Variants in CYTH3 observed in about 807,000 individuals in gnomAD.
The protein encoded by CYTH3 is cytohesin 3, also known as cytohesin-3.
Under a neutral mutation model 55.1 loss-of-function variants are expected in CYTH3, and 23 were observed. The ratio of observed to expected loss-of-function variants is 0.42; its 90% confidence interval spans 0.30 to 0.59. The LOEUF (loss-of-function observed/expected upper bound fraction) is 0.59. Among genes scored for constraint, CYTH3 ranks in the 20% least tolerant of loss-of-function variants. CYTH3 has a pLI of 0.20. For synonymous variants in CYTH3, 249 were observed against 194.9 expected (o/e 1.28, Z -2.31); for missense variants, 413 against 524.8 (o/e 0.79, Z 2.08).
At chr7:6,198,045 G>A (rs143625274) in intron 1 of CYTH3, among the ~76,000 whole-genome samples, 6 of 147,450 alleles carry the variant, frequency 4.1e-5, no homozygotes, top group Non-Finnish European at 7.4e-5. Flanking sequence ...AGCGAGCTAT[G>A]ACTGTGCTAC....
intron 1 of CYTH3, among the ~76,000 whole-genome samples, chr7:6,238,224 T>A (rs886845989): frequency 6.6e-6 from 1 of 152,022 alleles, no homozygotes; most frequent in Non-Finnish European, 1.5e-5. Context: ...TAAATTCACT[T>A]CAATATTTTT....
chr7:6,192,501 G>A (rs1371024328), intron 1 of CYTH3, among the ~76,000 whole-genome samples: 2 of 148,688 alleles, frequency 1.3e-5, no homozygotes, highest in Non-Finnish European at 3.0e-5. Context: ...GATTACAGAT[G>A]TGAGCCACTG....
intron 1 of CYTH3, among the ~76,000 whole-genome samples, chr7:6,259,173 A>C (rs1780212678): frequency 6.6e-6 from 1 of 152,218 alleles, no homozygotes; most frequent in Non-Finnish European, 1.5e-5. Flanking sequence ...ACATTGCCAA[A>C]CATCTGGATG....
chr7:6,218,773 G>A (rs965637336), intron 1 of CYTH3, among the ~76,000 whole-genome samples: 4 of 152,086 alleles, frequency 2.6e-5, no homozygotes, highest in Admixed American at 6.6e-5. Context: ...TTGGGAGGCC[G>A]AGGCGGGCAG....
In CYTH3 at chr7:6,170,713, T is replaced by C; in HGVS notation, c.712-67A>G. On this transcript the variant is annotated intron_variant, in intron 8 of 12. Coordinates refer to ENST00000350796, the MANE Select transcript of CYTH3 (RefSeq NM_004227.4). This position sits in a 1 kb window ranked among gnomAD's most constrained non-coding sequence, Gnocchi z 7.8. ...GAAAATGGCTGGCCGGGCAGAAAGC[T>C]CAGCGGGACCAGGGCGGCAAGGAGG... 6.3e-7 allele frequency: 1 copy of C among 1,578,758 alleles called. No individual in the cohort carries two copies. The highest frequency in any genetic ancestry group is 8.6e-7 in the Non-Finnish European group (1 of 1,160,624).
chr7:6,197,902 G>C lies in CYTH3; in HGVS notation c.35-7371C>G, dbSNP rs192607286. 3.2e-3 allele frequency among the ~76,000 whole-genome samples: 490 copies of C among 152,050 alleles called. 8 individuals are homozygous for C. The South Asian group carries it at 0.045, about 14-fold the overall frequency. Reference sequence around the variant, plus strand: ...AGGCCAGGAGTTTGAGACTAGCCTGGGCAACACAAAGAAACTCTGTCTCTA... The same window carrying C: ...AGGCCAGGAGTTTGAGACTAGCCTGCGCAACACAAAGAAACTCTGTCTCTA... On this transcript the variant is annotated intron_variant, in intron 1 of 12. Coordinates refer to ENST00000350796, the MANE Select transcript of CYTH3 (RefSeq NM_004227.4).
intron 1 of CYTH3, among the ~76,000 whole-genome samples, chr7:6,211,090 C>T (rs540491439): frequency 2.2e-4 from 34 of 152,282 alleles, no homozygotes; most frequent in Non-Finnish European, 3.7e-4. Context: ...GAACAAAATC[C>T]GAGTTCCTCA....
chr7:6,190,151 G>T (rs554748751), intron 2 of CYTH3, among the ~76,000 whole-genome samples: 1 of 152,118 alleles, frequency 6.6e-6, no homozygotes, highest in African/African-American at 2.4e-5. Flanking sequence ...TAGATGATAC[G>T]CTGCCTGTGG....
rs572950905 is a variant in CYTH3, at chr7:6,246,441, T to TC, written c.34+26032dup. Among the ~76,000 whole-genome samples the TC allele has an allele frequency of 2.7e-3, 405 of 152,218 alleles. 3 individuals are homozygous for TC. The South Asian group carries it at 0.027, about 10-fold the overall frequency. ...AGAATTTTTGCGTGACATGACCTTATCCTGTGATCAAATTTATCTTTTGTT... is the reference window on the plus strand; with the variant it reads ...AGAATTTTTGCGTGACATGACCTTATCCCTGTGATCAAATTTATCTTTTGTT... On this transcript the variant is annotated intron_variant, in intron 1 of 12. Coordinates refer to ENST00000350796, the MANE Select transcript of CYTH3 (RefSeq NM_004227.4).
intron 1 of CYTH3, among the ~76,000 whole-genome samples, chr7:6,234,678 G>A (rs548686464): frequency 2.6e-5 from 4 of 152,274 alleles, no homozygotes; most frequent in East Asian, 1.9e-4. Flanking sequence ...CTGGGTGCAC[G>A]AGTGCAAACT....
chr7:6,192,529 A>AT (rs36036670), intron 1 of CYTH3, among the ~76,000 whole-genome samples: 78,470 of 111,196 alleles, frequency 0.71, 29,091 homozygotes, highest in East Asian at 0.89. Flanking sequence ...CCACAAGTCA[A>AT]TTTTTTTTTT....
chr7:6,166,601 T>C (rs1050509626), intron 9 of CYTH3, among the ~76,000 whole-genome samples: 2 of 151,638 alleles, frequency 1.3e-5, no homozygotes, highest in African/African-American at 4.8e-5. Flanking sequence ...GGCAAGACTG[T>C]GTGCGAAGGG....
chr7:6,253,209 G>A (rs1003846122), intron 1 of CYTH3, among the ~76,000 whole-genome samples: 7 of 146,058 alleles, frequency 4.8e-5, no homozygotes, highest in Non-Finnish European at 7.4e-5. Context: ...AAGGTGTCAC[G>A]AAAACAATTT....
At chr7:6,229,712 G>A (rs1234285883) in intron 1 of CYTH3, among the ~76,000 whole-genome samples, 1 of 151,248 alleles carries the variant, frequency 6.6e-6, no homozygotes, top group Non-Finnish European at 1.5e-5. Flanking sequence ...AGCTACAGAG[G>A]AAGCTGAGGC....
Position 6,190,502 on chromosome 7 carries a change from C to T in CYTH3, c.64G>A (p.Glu22Lys). 1.3e-6 allele frequency: 2 copies of T among 1,500,400 alleles called. No individual in the cohort carries two copies. Among genetic ancestry groups the T allele is most frequent in the Non-Finnish European group, 1.8e-6 (2 of 1,130,818 alleles). The allele number at this position is 1,500,400 out of a possible 1,614,324, so 92.9% of individuals were successfully genotyped here. ...CTTCGACGAATGTCTAGAAGTTCTT[C>T]TCTCTCTTCTAATGAGAGGTCTTCA... ...VPEDLSLEER[E>K]ELLDIRRRKK... Residue 22 changes from glutamate (E) to lysine (K), a missense_variant, in exon 2 of 13, where the codon GAA (glutamate) becomes AAA (lysine). Transcript: ENST00000350796.
In CYTH3 at chr7:6,215,458, T is replaced by C. The variant is rs192536243; in HGVS notation, c.35-24927A>G. The stretch of plus-strand genomic sequence containing the variant: ...ACAAAAAATTAGCCGGGTGTGGTGG[T>C]GGGCACCTGTAGTCCCAGCTAGTCG... On this transcript the variant is annotated intron_variant, in intron 1 of 12. Transcript: ENST00000350796. Among the ~76,000 whole-genome samples, 777 of 151,774 alleles carry C rather than the reference T, an allele frequency of 5.1e-3. 8 individuals carry two copies. The highest frequency in any genetic ancestry group is 0.018 in the African/African-American group (738 of 41,378).
chr7:6,212,296 A>AT (rs1226197083), intron 1 of CYTH3, among the ~76,000 whole-genome samples: 2 of 151,900 alleles, frequency 1.3e-5, no homozygotes, highest in African/African-American at 4.8e-5. Flanking sequence ...CCTGGCATCC[A>AT]TTTTTTCTTA....
chr7:6,266,890 T>C lies in CYTH3; in HGVS notation c.34+5584A>G, dbSNP rs565779975. Among the ~76,000 whole-genome samples, 11 of 152,358 alleles carry C rather than the reference T, an allele frequency of 7.2e-5. No individual in the cohort carries two copies. In the South Asian group the frequency reaches 2.3e-3, roughly 32 times the overall value. On this transcript the variant is annotated intron_variant, in intron 1 of 12. Transcript: ENST00000350796. ...GAAATTTATCTGCCGTATTCACCACTGTTAGGCACTGATACAGTTTGGATA... is the reference window on the plus strand; with the variant it reads ...GAAATTTATCTGCCGTATTCACCACCGTTAGGCACTGATACAGTTTGGATA...
intron 1 of CYTH3, among the ~76,000 whole-genome samples, chr7:6,208,612 T>C (rs1784253131): frequency 2.0e-5 from 3 of 152,200 alleles, no homozygotes; most frequent in African/African-American, 4.8e-5. Context: ...GGCCCAATCA[T>C]AGTTCACCAC....
Sources: allele counts gnomAD v4.1 joint callset (sites outside exome capture counted in the v4.1 genomes callset), GRCh38; gene constraint gnomAD v4.1.1; non-coding constraint Gnocchi (gnomAD v3.1); transcripts MANE v1.5; gene names NCBI Gene and HGNC (gene_info 2026-07-23, HGNC 2026-07-21).